The following FAAH2 variants were observed in gnomAD, a reference collection of about 807,000 sequenced individuals.
FAAH2 encodes the protein fatty-acid amide hydrolase 2.
In FAAH2, 60 loss-of-function variants were observed where a neutral mutation model predicts 36.9. The observed-to-expected ratio is 1.63, with a 90% CI of 1.32 to 2.02. FAAH2 has a LOEUF of 2.02. Ranked by LOEUF, FAAH2 falls within the 30% of genes most tolerant of loss-of-function variation. The pLI is 0.00. For synonymous variants in FAAH2, 214 were observed against 143.8 expected (o/e 1.49, Z -3.49); for missense variants, 689 against 397.5 (o/e 1.73, Z -6.23).
the FAAH2 span, among the ~76,000 whole-genome samples, chrX:57,185,855 G>C: frequency 4.5e-5 from 5 of 110,544 alleles, no homozygotes; most frequent in African/African-American, 1.6e-4. Context: ...ACGGTCTCCA[G>C]CTTCATCCAT....
chrX:57,368,828 A>G (rs992854888), intron 5 of FAAH2, among the ~76,000 whole-genome samples: 2 of 111,233 alleles, frequency 1.8e-5, no homozygotes, highest in Non-Finnish European at 3.8e-5. Flanking sequence ...TCAAGGAAAT[A>G]TGACATTACC....
At chrX:57,434,471 AT>A (rs941961171) in intron 8 of FAAH2, among the ~76,000 whole-genome samples, 26 of 109,823 alleles carry the variant, frequency 2.4e-4, no homozygotes, top group Non-Finnish European at 4.4e-4. Context: ...TTCTAAAAAA[AT>A]GTAATAGTAA....
chrX:57,256,334 T>C, the FAAH2 span, among the ~76,000 whole-genome samples: 1 of 111,571 alleles, frequency 9.0e-6, no homozygotes, highest in African/African-American at 3.3e-5. Flanking sequence ...ATTGTGAAAA[T>C]GACCTTCCTG....
chrX:57,201,208 G>T, the FAAH2 span, among the ~76,000 whole-genome samples: 28 of 110,484 alleles, frequency 2.5e-4, no homozygotes, highest in Admixed American at 9.6e-5. Context: ...GGAACACAAG[G>T]TCAGGAGTTC....
At chrX:57,175,204 T>A in the FAAH2 span, among the ~76,000 whole-genome samples, 1 of 111,863 alleles carries the variant, frequency 8.9e-6, no homozygotes, top group African/African-American at 3.2e-5. Flanking sequence ...CGTCACTGTC[T>A]ATCTCTTTTC....
At chrX:57,336,364 A>G (rs998490661) in intron 4 of FAAH2, among the ~76,000 whole-genome samples, 1 of 110,545 alleles carries the variant, frequency 9.0e-6, no homozygotes, top group East Asian at 2.8e-4. Context: ...CTCTTTTCAG[A>G]CTCAGCCCAC....
the FAAH2 span, among the ~76,000 whole-genome samples, chrX:57,236,282 G>A: frequency 4.5e-5 from 5 of 112,177 alleles, no homozygotes; most frequent in Admixed American, 2.8e-4. Context: ...ATTGGCAATT[G>A]TGAATGATGC....
At chrX:57,421,048 C>T in intron 7 of FAAH2, among the ~76,000 whole-genome samples, 1 of 112,132 alleles carries the variant, frequency 8.9e-6, no homozygotes, top group East Asian at 2.8e-4. Context: ...TTCCCCTTCC[C>T]AGTACTCTTC....
intron 7 of FAAH2, among the ~76,000 whole-genome samples, chrX:57,400,995 C>T (rs926538705): frequency 7.2e-5 from 8 of 110,970 alleles, no homozygotes; most frequent in Non-Finnish European, 1.5e-4. Flanking sequence ...TGGTGGCGGG[C>T]GCCTGCAGTC....
chrX:57,195,503 A>T, the FAAH2 span, among the ~76,000 whole-genome samples: 1 of 111,580 alleles, frequency 9.0e-6, no homozygotes. Context: ...GATTCTAGGT[A>T]TTAGTCCTTT....
the FAAH2 span, among the ~76,000 whole-genome samples, chrX:57,223,752 A>G: frequency 8.9e-6 from 1 of 112,122 alleles, no homozygotes; most frequent in Non-Finnish European, 1.9e-5. Flanking sequence ...TTCAGAAGGT[A>G]TAAATGTCAT....
intron 4 of FAAH2, among the ~76,000 whole-genome samples, chrX:57,338,797 T>C (rs2053617039): frequency 9.0e-6 from 1 of 111,531 alleles, no homozygotes; most frequent in African/African-American, 3.3e-5. Context: ...TGCTCATGGA[T>C]AGGAAGAATC....
intron 5 of FAAH2, among the ~76,000 whole-genome samples, chrX:57,363,713 G>C (rs759960605): frequency 9.0e-6 from 1 of 110,794 alleles, no homozygotes; most frequent in African/African-American, 3.3e-5. Context: ...TTCAATGATG[G>C]TTCTTATTAT....
At chrX:57,258,370 T>C in the FAAH2 span, among the ~76,000 whole-genome samples, 4 of 111,306 alleles carry the variant, frequency 3.6e-5, no homozygotes, top group Admixed American at 9.6e-5. Flanking sequence ...AAAAACTCCA[T>C]AATATTGATT....
In FAAH2 at chrX:57,450,932, T is replaced by C. The variant is rs970001; in HGVS notation, c.1423+2214T>C. The stretch of plus-strand genomic sequence containing the variant: ...CTGCTTTACTTCGTAGTATTAGTTA[T>C]ATGTGTTTTCCTTGTTTTATCTATT... On this transcript the variant is annotated intron_variant, in intron 10 of 10. Transcript: ENST00000374900. 2.7e-5 allele frequency among the ~76,000 whole-genome samples: 3 copies of C among 111,980 alleles called. No homozygotes were observed. In the Admixed American group the frequency reaches 2.9e-4, roughly 11 times the overall value.
At chrX:57,203,252 G>T in the FAAH2 span, among the ~76,000 whole-genome samples, 1 of 111,985 alleles carries the variant, frequency 8.9e-6, no homozygotes, top group African/African-American at 3.2e-5. Flanking sequence ...CAAAGGGATG[G>T]GCCAAAACAA....
At chrX:57,475,096 C>T (rs749616108) in intron 10 of FAAH2, among the ~76,000 whole-genome samples, 9 of 111,837 alleles carry the variant, frequency 8.0e-5, no homozygotes, top group Non-Finnish European at 1.5e-4. Flanking sequence ...GGATATTAGA[C>T]CTTTGTCAGA....
intron 7 of FAAH2, among the ~76,000 whole-genome samples, chrX:57,415,727 G>C (rs2055825391): frequency 9.0e-6 from 1 of 111,431 alleles, no homozygotes; most frequent in South Asian, 3.8e-4. Flanking sequence ...GAGTTCTGTA[G>C]ATGTCTGTTA....
intron 10 of FAAH2, among the ~76,000 whole-genome samples, chrX:57,456,262 A>G (rs980801775): frequency 1.8e-5 from 2 of 112,154 alleles, no homozygotes; most frequent in Non-Finnish European, 3.8e-5. Flanking sequence ...GAAATAGGAG[A>G]CACAGCTTAC....
Sources: allele counts gnomAD v4.1 joint callset (sites outside exome capture counted in the v4.1 genomes callset), GRCh38; gene constraint gnomAD v4.1.1; transcripts MANE v1.5; gene names NCBI Gene and HGNC (gene_info 2026-07-23, HGNC 2026-07-21).